Variants in XNDC1N observed in about 807,000 individuals in gnomAD.
The protein encoded by XNDC1N is protein XNDC1N.
At chr11:71,909,506 C>A in the XNDC1N span, among the ~76,000 whole-genome samples, 2 of 152,184 alleles carry the variant, frequency 1.3e-5, no homozygotes, top group Non-Finnish European at 2.9e-5. Flanking sequence ...GAGGAAGGGG[C>A]CCTGCTCAAC....
the XNDC1N span, among the ~76,000 whole-genome samples, chr11:71,867,372 A>G: frequency 6.6e-6 from 1 of 152,210 alleles, no homozygotes; most frequent in Non-Finnish European, 1.5e-5. Flanking sequence ...AGGTCATGAC[A>G]ACCCACTAGA....
At chr11:71,895,474 T>TA in the XNDC1N span, among the ~76,000 whole-genome samples, 15 of 89,234 alleles carry the variant, frequency 1.7e-4, no homozygotes, top group East Asian at 1.2e-3. Context: ...CATGCCTGGC[T>TA]ATTTTTTTTT....
chr11:71,902,755 T>A, the XNDC1N span, among the ~76,000 whole-genome samples: 12 of 152,374 alleles, frequency 7.9e-5, no homozygotes, highest in Non-Finnish European at 1.3e-4. Flanking sequence ...ATCAAGGGAA[T>A]TTGTATCAAT....
the XNDC1N span, among the ~76,000 whole-genome samples, chr11:71,908,787 C>A: frequency 6.6e-6 from 1 of 152,148 alleles, no homozygotes; most frequent in Non-Finnish European, 1.5e-5. Flanking sequence ...GGCGGAGAGT[C>A]CTCAAGCAGC....
the XNDC1N span, among the ~76,000 whole-genome samples, chr11:71,889,154 C>T: frequency 6.6e-6 from 1 of 152,214 alleles, no homozygotes. Flanking sequence ...GAGGGTGAGA[C>T]TGTCAACATT....
chr11:71,928,475 T>C, the XNDC1N span: 1 of 702,502 alleles, frequency 1.4e-6, no homozygotes, highest in Non-Finnish European at 2.6e-6. Context: ...CGAGAGCTAC[T>C]CTTCCGTCTT....
chr11:71,885,265 T>C, the XNDC1N span, among the ~76,000 whole-genome samples: 8 of 152,140 alleles, frequency 5.3e-5, no homozygotes, highest in Admixed American at 5.2e-4. Context: ...AGTGGGGGTG[T>C]GTCCACCTTC....
At chr11:71,891,706 T>C in the XNDC1N span, among the ~76,000 whole-genome samples, 4 of 151,952 alleles carry the variant, frequency 2.6e-5, no homozygotes, top group African/African-American at 9.7e-5. Flanking sequence ...TCTATTTTCC[T>C]GGACATTGGG....
chr11:71,885,431 G>A, the XNDC1N span, among the ~76,000 whole-genome samples: 5 of 152,154 alleles, frequency 3.3e-5, no homozygotes, highest in Non-Finnish European at 2.9e-5. Context: ...CACTTCCTGC[G>A]ATGTTGGGAG....
At chr11:71,887,872 A>G in the XNDC1N span, among the ~76,000 whole-genome samples, 2 of 152,144 alleles carry the variant, frequency 1.3e-5, no homozygotes, top group South Asian at 4.1e-4. Flanking sequence ...TGGACCTGAA[A>G]GATGCTTTCT....
At chr11:71,909,011 T>A in the XNDC1N span, among the ~76,000 whole-genome samples, 8 of 152,034 alleles carry the variant, frequency 5.3e-5, no homozygotes, top group Non-Finnish European at 1.0e-4. Context: ...TCATTCAGGG[T>A]AAAGAAGAAA....
the XNDC1N span, among the ~76,000 whole-genome samples, chr11:71,897,449 A>G: frequency 3.9e-5 from 6 of 152,368 alleles, no homozygotes; most frequent in South Asian, 1.2e-3. Flanking sequence ...TAAAGAAGAT[A>G]TCACAATGGC....
At chr11:71,902,473 G>A in the XNDC1N span, among the ~76,000 whole-genome samples, 4 of 152,332 alleles carry the variant, frequency 2.6e-5, no homozygotes, top group Non-Finnish European at 5.9e-5. Context: ...TTACCGGCGT[G>A]AGCCACCGCG....
the XNDC1N span, among the ~76,000 whole-genome samples, chr11:71,927,101 A>C: frequency 6.6e-6 from 1 of 152,020 alleles, no homozygotes; most frequent in African/African-American, 2.4e-5. Context: ...TTTAAAAATT[A>C]GCCAGGTGTG....
At chr11:71,891,036 A>T in the XNDC1N span, among the ~76,000 whole-genome samples, 1 of 152,026 alleles carries the variant, frequency 6.6e-6, no homozygotes, top group African/African-American at 2.4e-5. Context: ...CCTGGACATT[A>T]GGAAGGGTAT....
At chr11:71,913,262 G>A in the XNDC1N span, among the ~76,000 whole-genome samples, 22 of 151,952 alleles carry the variant, frequency 1.4e-4, no homozygotes, top group African/African-American at 3.1e-4. Context: ...AACCCCCTGC[G>A]GTCCTGGGAG....
chr11:71,916,322 A>T, the XNDC1N span: 1 of 688,520 alleles, frequency 1.5e-6, no homozygotes, highest in South Asian at 1.5e-5. Context: ...AGAGGAAGAA[A>T]AGGTCAATAC....
the XNDC1N span, among the ~76,000 whole-genome samples, chr11:71,922,172 A>C: frequency 6.6e-6 from 1 of 152,200 alleles, no homozygotes; most frequent in Non-Finnish European, 1.5e-5. Context: ...AAAAGTAAAA[A>C]GTCTATGAAG....
At chr11:71,895,770 C>A in the XNDC1N span, among the ~76,000 whole-genome samples, 2 of 152,160 alleles carry the variant, frequency 1.3e-5, no homozygotes, top group Non-Finnish European at 2.9e-5. Flanking sequence ...GTTTCACATT[C>A]CGAGACATTT....
Sources: allele counts gnomAD v4.1 joint callset (sites outside exome capture counted in the v4.1 genomes callset), GRCh38; gene constraint gnomAD v4.1.1; transcripts MANE v1.5; gene names NCBI Gene and HGNC (gene_info 2026-07-23, HGNC 2026-07-21).